The following EFNA5 variants were observed in gnomAD, a reference collection of about 807,000 sequenced individuals.
The protein encoded by EFNA5 is ephrin-A5.
EFNA5 carries 5 observed loss-of-function variants against 22.9 expected under a neutral mutation model. The observed-to-expected ratio is 0.22, with a 90% CI of 0.11 to 0.46. EFNA5 has a LOEUF of 0.46. Ranked by LOEUF, EFNA5 falls within the 20% of genes least tolerant of loss-of-function variation. The pLI is 0.99. For missense variants in EFNA5, 237 were observed against 293.3 expected (o/e 0.81, Z 1.40); for synonymous variants, 113 against 112.2 (o/e 1.01, Z -0.04).
chr5:107,440,801 A>G (rs1332772680), intron 1 of EFNA5, among the ~76,000 whole-genome samples: 1 of 152,182 alleles, frequency 6.6e-6, no homozygotes, highest in Non-Finnish European at 1.5e-5. Flanking sequence ...TACAAAACCT[A>G]TGGGAGATAT....
chr5:107,635,157 G>T (rs561829312), intron 1 of EFNA5, among the ~76,000 whole-genome samples: 45 of 152,318 alleles, frequency 3.0e-4, no homozygotes, highest in African/African-American at 1.1e-3. Context: ...GCGGAGCAAA[G>T]CTTCTTAAAA....
At chr5:107,572,125 G>A (rs550284416) in intron 1 of EFNA5, among the ~76,000 whole-genome samples, 2 of 152,114 alleles carry the variant, frequency 1.3e-5, no homozygotes, top group African/African-American at 2.4e-5. Context: ...AGGACAGCCC[G>A]GCAGAGAACG....
intron 1 of EFNA5, among the ~76,000 whole-genome samples, chr5:107,588,751 T>C (rs1006000868): frequency 6.6e-6 from 1 of 152,142 alleles, no homozygotes; most frequent in East Asian, 1.9e-4. Flanking sequence ...ATGTGTGTAA[T>C]AGAATGTAGA....
intron 1 of EFNA5, among the ~76,000 whole-genome samples, chr5:107,503,350 A>G (rs1747178926): frequency 1.3e-5 from 2 of 152,224 alleles, no homozygotes; most frequent in Admixed American, 1.3e-4. Flanking sequence ...TAACCATCCT[A>G]CTTTCATTAG....
chr5:107,557,550 T>C (rs73198636), intron 1 of EFNA5, among the ~76,000 whole-genome samples: 4,660 of 152,302 alleles, frequency 0.031, 236 homozygotes, highest in African/African-American at 0.1. Flanking sequence ...ACAATGACAT[T>C]TGTCAATGGA....
At chr5:107,497,260 CA>C (rs1747011852) in intron 1 of EFNA5, among the ~76,000 whole-genome samples, 1 of 152,208 alleles carries the variant, frequency 6.6e-6, no homozygotes, top group Non-Finnish European at 1.5e-5. Flanking sequence ...GGAACAGGTT[CA>C]TATTCTGCTG....
chr5:107,587,566 G>A (rs539591003), intron 1 of EFNA5, among the ~76,000 whole-genome samples: 1 of 152,122 alleles, frequency 6.6e-6, no homozygotes, highest in African/African-American at 2.4e-5. Flanking sequence ...GCCCAGGCTG[G>A]AGTACAGTGG....
chr5:107,509,360 C>T (rs760310989), intron 1 of EFNA5, among the ~76,000 whole-genome samples: 60 of 151,510 alleles, frequency 4.0e-4, no homozygotes, highest in Non-Finnish European at 7.7e-4. Context: ...ACCCTGTCGC[C>T]CAGGCTGCAG....
At chr5:107,528,062 C>T (rs765668644) in intron 1 of EFNA5, among the ~76,000 whole-genome samples, 1 of 152,190 alleles carries the variant, frequency 6.6e-6, no homozygotes, top group Non-Finnish European at 1.5e-5. Context: ...ACTGTTAGCA[C>T]AAAATTGCAT....
chr5:107,543,674 T>A (rs1351582288), intron 1 of EFNA5, among the ~76,000 whole-genome samples: 1 of 152,106 alleles, frequency 6.6e-6, no homozygotes, highest in African/African-American at 2.4e-5. Flanking sequence ...CATGGGCTGC[T>A]GCTCACAAAG....
chr5:107,579,937 A>T (rs1749008291), intron 1 of EFNA5, among the ~76,000 whole-genome samples: 1 of 152,218 alleles, frequency 6.6e-6, no homozygotes, highest in African/African-American at 2.4e-5. Context: ...AATATTTATA[A>T]TAAAACTCTT....
At chr5:107,425,085 C>T (rs982882518) in intron 2 of EFNA5, among the ~76,000 whole-genome samples, 5 of 152,170 alleles carry the variant, frequency 3.3e-5, no homozygotes, top group Admixed American at 2.6e-4. Context: ...ATTACTTTGA[C>T]GGAAGCCCTT....
At chr5:107,461,900 T>G (rs1749845586) in intron 1 of EFNA5, among the ~76,000 whole-genome samples, 1 of 152,150 alleles carries the variant, frequency 6.6e-6, no homozygotes, top group Non-Finnish European at 1.5e-5. Context: ...GTTATGAAGT[T>G]CTCACCAAAT....
At chr5:107,573,107 T>C (rs1165004469) in intron 1 of EFNA5, among the ~76,000 whole-genome samples, 2 of 152,204 alleles carry the variant, frequency 1.3e-5, no homozygotes, top group Non-Finnish European at 2.9e-5. Context: ...TGAGTATCTT[T>C]AGTTCACATT....
At chr5:107,506,334 T>C (rs974485629) in intron 1 of EFNA5, 1 of 152,234 alleles carries the variant, frequency 6.6e-6, no homozygotes, top group African/African-American at 2.4e-5. Flanking sequence ...GTAGAGTAAA[T>C]GATTAACCTG....
At chr5:107,503,283 A>C (rs1006356255) in intron 1 of EFNA5, among the ~76,000 whole-genome samples, 1 of 152,172 alleles carries the variant, frequency 6.6e-6, no homozygotes, top group Non-Finnish European at 1.5e-5. Flanking sequence ...ATACTACCTG[A>C]TGTTTTGAAT....
intron 1 of EFNA5, among the ~76,000 whole-genome samples, chr5:107,644,545 C>T (rs149375154): frequency 6.6e-6 from 1 of 152,156 alleles, no homozygotes; most frequent in East Asian, 1.9e-4. Context: ...CAGACAAATC[C>T]AGTTATTTTT....
At chr5:107,665,067 CAT>C (rs1444258891) in intron 1 of EFNA5, among the ~76,000 whole-genome samples, 2 of 152,172 alleles carry the variant, frequency 1.3e-5, no homozygotes, top group East Asian at 3.8e-4. Context: ...CTATTCTTAA[CAT>C]ATTCTCATAT....
intron 1 of EFNA5, among the ~76,000 whole-genome samples, chr5:107,568,011 C>T (rs1011164626): frequency 6.6e-6 from 1 of 152,188 alleles, no homozygotes; most frequent in Non-Finnish European, 1.5e-5. Context: ...ATCTTCCCAC[C>T]TCAGCTTCCC....
Sources: allele counts gnomAD v4.1 joint callset (sites outside exome capture counted in the v4.1 genomes callset), GRCh38; gene constraint gnomAD v4.1.1; transcripts MANE v1.5; gene names NCBI Gene and HGNC (gene_info 2026-07-23, HGNC 2026-07-21).